Variants in NINJ2 observed in about 807,000 individuals in gnomAD.
The protein encoded by NINJ2 is ninjurin 2, also known as ninjurin-2.
In NINJ2, 12 loss-of-function variants were observed where a neutral mutation model predicts 11.7. The ratio of observed to expected loss-of-function variants is 1.02; its 90% CI spans 0.66 to 1.66. The LOEUF is 1.66. Among genes scored for constraint, NINJ2 ranks in the 40% most tolerant of loss-of-function variants. The pLI, the probability that NINJ2 is intolerant of heterozygous loss-of-function variation, is 0.00. For missense variants in NINJ2, 187 were observed against 181.8 expected, an observed-to-expected ratio of 1.03 and a Z score of -0.16; for synonymous variants, 93 against 76.8, an observed-to-expected ratio of 1.21 and a Z score of -1.10.
intron 1 of NINJ2, among the ~76,000 whole-genome samples, chr12:653,804 T>C (rs1051362644): frequency 3.4e-4 from 51 of 152,208 alleles, no homozygotes; most frequent in African/African-American, 1.2e-3. Flanking sequence ...TGAATGTCAA[T>C]GGTCTAAGTG....
chr12:653,559 C>G (rs1937828038), intron 1 of NINJ2, among the ~76,000 whole-genome samples: 1 of 151,892 alleles, frequency 6.6e-6, no homozygotes, highest in Non-Finnish European at 1.5e-5. Context: ...TGAAAGTGCA[C>G]TTGGATTTGT....
intron 1 of NINJ2, among the ~76,000 whole-genome samples, chr12:615,646 G>C (rs1003100136): frequency 6.6e-6 from 1 of 152,146 alleles, no homozygotes; most frequent in Non-Finnish European, 1.5e-5. Flanking sequence ...CACAGCCCTT[G>C]GGAAGCCTTC....
chr12:620,435 T>C (rs901173633), intron 1 of NINJ2, among the ~76,000 whole-genome samples: 1 of 152,268 alleles, frequency 6.6e-6, no homozygotes, highest in Non-Finnish European at 1.5e-5. Context: ...AAATAGATGA[T>C]GCGTCTCACA....
intron 1 of NINJ2, among the ~76,000 whole-genome samples, chr12:598,545 G>A (rs139971995): frequency 4.6e-5 from 7 of 152,186 alleles, no homozygotes; most frequent in African/African-American, 1.2e-4. Flanking sequence ...GAGGAGAAAG[G>A]GGGGGAGACA....
At chr12:587,357 C>T (rs1352597738) in intron 1 of NINJ2, among the ~76,000 whole-genome samples, 5 of 152,258 alleles carry the variant, frequency 3.3e-5, no homozygotes, top group Non-Finnish European at 7.3e-5. Context: ...GGGAGCAACT[C>T]CCGGTCAAGC....
At chr12:600,377 A>T (rs1592088479) in intron 1 of NINJ2, among the ~76,000 whole-genome samples, 1 of 151,918 alleles carries the variant, frequency 6.6e-6, no homozygotes, top group Non-Finnish European at 1.5e-5. Flanking sequence ...ACATGGTGAA[A>T]CCCCATCTCT....
intron 1 of NINJ2, among the ~76,000 whole-genome samples, chr12:634,404 C>T (rs1435940015): frequency 1.3e-5 from 2 of 151,028 alleles, no homozygotes; most frequent in East Asian, 2.0e-4. Flanking sequence ...GGATTACTGG[C>T]GCCCACCACC....
Position 565,399 on chromosome 12 carries a change from G to A in NINJ2, c.265C>T (p.Arg89Trp), listed in dbSNP as rs989654292. ...TTTTCTACCTCATTCAGGTTCAGCCGTGCTGCAGGGAAGTGGAGTGGGGGG... is the reference window on the plus strand; with the variant it reads ...TTTTCTACCTCATTCAGGTTCAGCCATGCTGCAGGGAAGTGGAGTGGGGGG... ...VIGVLLVVIA[R>W]LNLNEVEKQW... Residue 89 changes from arginine (R) to tryptophan (W), a missense_variant and splice_region_variant, in exon 3 of 4, where the codon CGG becomes TGG. Coordinates refer to ENST00000305108, the MANE Select transcript of NINJ2 (RefSeq NM_016533.6). 1.5e-5 allele frequency: 24 copies of A among 1,613,682 alleles called. No individual in the cohort carries two copies. The highest frequency in any genetic ancestry group is 3.3e-4 in the Middle Eastern group (2 of 6,070).
At chr12:615,827 A>G (rs1948085357) in intron 1 of NINJ2, among the ~76,000 whole-genome samples, 1 of 152,182 alleles carries the variant, frequency 6.6e-6, no homozygotes, top group Non-Finnish European at 1.5e-5. Context: ...ACGACTTCAC[A>G]TGCCCTTTTC....
At chr12:622,409 CAAAAAAAA>C (rs1169331783) in intron 1 of NINJ2, among the ~76,000 whole-genome samples, 2 of 47,432 alleles carry the variant, frequency 4.2e-5, no homozygotes, top group African/African-American at 8.6e-5. Flanking sequence ...GACTCCGTCT[CAAAAAAAA>C]AAAAAAAAAA....
At chr12:613,187 T>C (rs1457646579) in intron 1 of NINJ2, among the ~76,000 whole-genome samples, 1 of 152,230 alleles carries the variant, frequency 6.6e-6, no homozygotes, top group Non-Finnish European at 1.5e-5. Context: ...CCCATGCTAA[T>C]GAGCAAAATC....
intron 1 of NINJ2, among the ~76,000 whole-genome samples, chr12:634,591 C>T (rs969075117): frequency 6.6e-6 from 1 of 151,960 alleles, no homozygotes; most frequent in African/African-American, 2.4e-5. Flanking sequence ...GCAGTAAAGG[C>T]CAAACACACA....
chr12:652,670 A>C (rs1443008049), intron 1 of NINJ2, among the ~76,000 whole-genome samples: 1 of 152,070 alleles, frequency 6.6e-6, no homozygotes, highest in Non-Finnish European at 1.5e-5. Flanking sequence ...AAATTCAGCC[A>C]GGCGTGGTGA....
chr12:575,688 C>T (rs1947447070), intron 1 of NINJ2, among the ~76,000 whole-genome samples: 1 of 152,188 alleles, frequency 6.6e-6, no homozygotes, highest in Admixed American at 6.5e-5. Flanking sequence ...AGCACCTTGC[C>T]CACATGAGGT....
intron 1 of NINJ2, among the ~76,000 whole-genome samples, chr12:627,409 G>A (rs899122099): frequency 7.2e-5 from 11 of 152,150 alleles, no homozygotes; most frequent in Admixed American, 7.2e-4. Context: ...ATTTCTAAAT[G>A]AATGAAATAG....
intron 1 of NINJ2, among the ~76,000 whole-genome samples, chr12:612,957 A>T (rs1948052210): frequency 1.3e-5 from 2 of 152,170 alleles, no homozygotes; most frequent in African/African-American, 4.8e-5. Flanking sequence ...CTTCCAAGGG[A>T]TGCTAAACAG....
chr12:629,896 A>AAAAAAATATATATATATATATATATATAT, intron 1 of NINJ2, among the ~76,000 whole-genome samples: 1 of 9,890 alleles, frequency 1.0e-4, no homozygotes, highest in Non-Finnish European at 4.7e-4. Flanking sequence ...AAAAAAAAAA[A>AAAAAAATATATATATATATATATATATAT]ATATATATAT....
At chr12:604,511 A>T (rs61916660) in intron 1 of NINJ2, among the ~76,000 whole-genome samples, 32,121 of 151,952 alleles carry the variant, frequency 0.21, 3,584 homozygotes, top group East Asian at 0.3. Flanking sequence ...GGTGGTGGGC[A>T]CCTGTAATCC....
intron 1 of NINJ2, among the ~76,000 whole-genome samples, chr12:602,577 T>G (rs993902005): frequency 6.6e-6 from 1 of 152,254 alleles, no homozygotes; most frequent in Non-Finnish European, 1.5e-5. Context: ...TAAATAATGC[T>G]GCTGTGCACA....
Sources: allele counts gnomAD v4.1 joint callset (sites outside exome capture counted in the v4.1 genomes callset), GRCh38; gene constraint gnomAD v4.1.1; transcripts MANE v1.5; gene names NCBI Gene and HGNC (gene_info 2026-07-23, HGNC 2026-07-21).